The following TMEM108 variants were observed in gnomAD, a reference collection of about 807,000 sequenced individuals.
TMEM108 encodes transmembrane protein 108, also known as cancer/testis antigen 124.
In TMEM108, 12 loss-of-function variants were observed where a neutral mutation model predicts 35.1. The observed-to-expected ratio is 0.34, with a 90% CI of 0.22 to 0.55. TMEM108 has a LOEUF of 0.55. Ranked by LOEUF, TMEM108 falls within the 20% of genes least tolerant of loss-of-function variation. TMEM108 has a pLI of 0.89. For synonymous variants in TMEM108, 287 were observed against 308.6 expected (o/e 0.93, Z 0.73); for missense variants, 680 against 753.3 (o/e 0.90, Z 1.14).
intron 3 of TMEM108, among the ~76,000 whole-genome samples, chr3:133,378,066 G>A (rs1205470027): frequency 6.6e-6 from 1 of 152,162 alleles, no homozygotes; most frequent in African/African-American, 2.4e-5. Flanking sequence ...ATTTGTCCCT[G>A]GTGCCAAAAA....
chr3:133,217,006 A>G (rs943454165), intron 2 of TMEM108, among the ~76,000 whole-genome samples: 2 of 152,090 alleles, frequency 1.3e-5, no homozygotes, highest in Admixed American at 6.6e-5. Flanking sequence ...GAACCTCGCT[A>G]CTGTATTCCA....
intron 2 of TMEM108, among the ~76,000 whole-genome samples, chr3:133,166,340 A>G (rs1945036607): frequency 6.6e-6 from 1 of 152,206 alleles, no homozygotes; most frequent in Non-Finnish European, 1.5e-5. Flanking sequence ...CCCGTAAACT[A>G]AAAATAGAAG....
At chr3:133,316,671 G>C (rs2071203320) in intron 3 of TMEM108, among the ~76,000 whole-genome samples, 1 of 152,198 alleles carries the variant, frequency 6.6e-6, no homozygotes, top group Non-Finnish European at 1.5e-5. Flanking sequence ...TGTAACTCTG[G>C]AATGTTTTGA....
At chr3:133,265,171 C>T (rs1946680067) in intron 3 of TMEM108, among the ~76,000 whole-genome samples, 2 of 152,232 alleles carry the variant, frequency 1.3e-5, no homozygotes, top group African/African-American at 4.8e-5. Context: ...TAGCATAGAT[C>T]TGCTAGGAAT....
At chr3:133,213,407 T>C (rs917104719) in intron 2 of TMEM108, among the ~76,000 whole-genome samples, 2 of 152,224 alleles carry the variant, frequency 1.3e-5, no homozygotes, top group Admixed American at 6.5e-5. Flanking sequence ...AGGCCTGCCA[T>C]TGTGCTTGCA....
chr3:133,330,952 T>C (rs1181790571), intron 3 of TMEM108, among the ~76,000 whole-genome samples: 1 of 152,110 alleles, frequency 6.6e-6, no homozygotes, highest in Non-Finnish European at 1.5e-5. Context: ...ATAAAATAGT[T>C]ATAATTATCT....
intron 3 of TMEM108, among the ~76,000 whole-genome samples, chr3:133,273,206 A>G (rs1946796693): frequency 6.6e-6 from 1 of 152,170 alleles, no homozygotes; most frequent in Admixed American, 6.5e-5. Context: ...AAATAACCCT[A>G]GTCTTAAAAG....
intron 2 of TMEM108, among the ~76,000 whole-genome samples, chr3:133,205,918 G>A (rs184194739): frequency 9.9e-5 from 15 of 152,238 alleles, no homozygotes; most frequent in Admixed American, 5.9e-4. Context: ...CATTCTCCCC[G>A]TCACTTTCAG....
At chr3:133,340,584 T>C (rs2071632893) in intron 3 of TMEM108, among the ~76,000 whole-genome samples, 1 of 151,354 alleles carries the variant, frequency 6.6e-6, no homozygotes, top group African/African-American at 2.4e-5. Flanking sequence ...ATCACCCTGA[T>C]ACCAAAACCA....
At chr3:133,250,144 G>A (rs890006123) in intron 3 of TMEM108, among the ~76,000 whole-genome samples, 5 of 152,124 alleles carry the variant, frequency 3.3e-5, no homozygotes, top group Non-Finnish European at 7.4e-5. Context: ...GTTCTAGATA[G>A]GACTATGCTA....
chr3:133,215,947 A>G (rs945156351), intron 2 of TMEM108, among the ~76,000 whole-genome samples: 2 of 152,078 alleles, frequency 1.3e-5, no homozygotes, highest in Admixed American at 6.6e-5. Flanking sequence ...GCCTTTATCA[A>G]TCCTAAATTT....
Position 133,379,865 on chromosome 3 carries a change from A to G in TMEM108, c.154A>G (p.Thr52Ala). 1 of 1,613,712 alleles carries G rather than the reference A, an allele frequency of 6.2e-7. No individual in the cohort carries two copies. The highest frequency in any genetic ancestry group is 8.5e-7 in the Non-Finnish European group (1 of 1,179,842). The change falls in exon 4 of 6, where the codon ACA becomes GCA. Residue 52 changes from threonine (T) to alanine (A), a missense_variant. Thr to Ala is a moderately conservative substitution (Grantham distance 58, BLOSUM62 0). Around this residue, in one of 3 missense-constraint regions of TMEM108, gnomAD observed 49 missense variants for 70.6 expected, o/e 0.69. Coordinates refer to ENST00000321871, the MANE Select transcript of TMEM108 (RefSeq NM_023943.4). ...AGGCACTCCCCCGGGAACCATGGTG[A>G]CAGCACCCCACAGCTCTACCAGACA... Reference protein sequence around the residue: ...PSGTPPGTMVTAPHSSTRHTS... With the variant: ...PSGTPPGTMVAAPHSSTRHTS...
intron 2 of TMEM108, among the ~76,000 whole-genome samples, chr3:133,063,130 C>A (rs1401832090): frequency 6.6e-6 from 1 of 151,936 alleles, no homozygotes; most frequent in South Asian, 2.1e-4. Context: ...GGTGGGAGAG[C>A]AACATGGAGG....
At chr3:133,297,125 A>G (rs148694175) in intron 3 of TMEM108, among the ~76,000 whole-genome samples, 9 of 152,372 alleles carry the variant, frequency 5.9e-5, no homozygotes, top group African/African-American at 2.2e-4. Context: ...AATGCTCATT[A>G]GGCTTATAGC....
At chr3:133,113,566 A>G (rs1202403126) in intron 2 of TMEM108, among the ~76,000 whole-genome samples, 1 of 152,182 alleles carries the variant, frequency 6.6e-6, no homozygotes, top group Non-Finnish European at 1.5e-5. Flanking sequence ...ATAAACATGT[A>G]AAGTCCTCCT....
intron 2 of TMEM108, among the ~76,000 whole-genome samples, chr3:133,118,006 G>A (rs890625333): frequency 3.3e-5 from 5 of 152,134 alleles, no homozygotes; most frequent in Admixed American, 6.6e-5. Context: ...GGGAGGAATA[G>A]CATGGCTTCT....
chr3:133,348,665 G>T (rs2071894010), intron 3 of TMEM108, among the ~76,000 whole-genome samples: 1 of 152,130 alleles, frequency 6.6e-6, no homozygotes, highest in Non-Finnish European at 1.5e-5. Context: ...TACCCTGGAG[G>T]GGCATGGTGT....
At chr3:133,158,910 A>G (rs1944920706) in intron 2 of TMEM108, among the ~76,000 whole-genome samples, 1 of 152,244 alleles carries the variant, frequency 6.6e-6, no homozygotes, top group African/African-American at 2.4e-5. Flanking sequence ...CAGGTGGCTA[A>G]CACAGCAGAA....
At chr3:133,055,116 C>T (rs1943451272) in intron 2 of TMEM108, among the ~76,000 whole-genome samples, 1 of 152,094 alleles carries the variant, frequency 6.6e-6, no homozygotes, top group Non-Finnish European at 1.5e-5. Context: ...ATCCCCATCC[C>T]CTGTATTGAA....
Sources: gnomAD v4.1 joint callset for allele counts (sites outside exome capture counted in the v4.1 genomes callset) on GRCh38, gnomAD v4.1.1 for gene constraint, gnomAD v4.1.1 regional missense constraint, MANE v1.5 for transcripts, NCBI Gene and HGNC (gene_info 2026-07-23, HGNC 2026-07-21) for gene names.